Variants in PCDH15 observed in about 807,000 individuals in gnomAD.
PCDH15 encodes the protein protocadherin related 15, also known as protocadherin-15.
PCDH15 carries 129 observed loss-of-function variants against 178.5 expected under a neutral mutation model. The ratio of observed to expected loss-of-function variants is 0.72; its 90% CI spans 0.63 to 0.84. The LOEUF (loss-of-function observed/expected upper bound fraction) is 0.84. Ranked by LOEUF, PCDH15 falls within the 40% of genes least tolerant of loss-of-function variation. The pLI, the probability that PCDH15 is intolerant of heterozygous loss-of-function variation, is 0.00. For synonymous variants in PCDH15, 800 were observed against 732.0 expected, an observed-to-expected ratio of 1.09 and a Z score of -1.50; for missense variants, 2,230 against 2,099.9, an observed-to-expected ratio of 1.06 and a Z score of -1.21.
At chr10:53,810,511 T>A in intron 37 of PCDH15, 45 bp downstream of exon 37, 1 of 1,558,938 alleles carries the variant, frequency 6.4e-7, no homozygotes, top group South Asian at 1.1e-5. Context: ...TTAAACAATA[T>A]TTTTCTTGGA....
At chr10:53,836,827 T>C (rs2077334760) in intron 29 of PCDH15, among the ~76,000 whole-genome samples, 1 of 152,120 alleles carries the variant, frequency 6.6e-6, no homozygotes, top group Non-Finnish European at 1.5e-5. Context: ...ATTGGAACTG[T>C]CAGACAGGAA....
intron 2 of PCDH15, among the ~76,000 whole-genome samples, chr10:54,654,220 G>A (rs1158334339): frequency 6.6e-6 from 1 of 152,190 alleles, no homozygotes; most frequent in Non-Finnish European, 1.5e-5. Flanking sequence ...GGAAGTTAGA[G>A]AAAGCTGACA....
rs578008083 is a variant in PCDH15 at position 55,295,324 on chromosome 10, C to T, written c.-156+24275G>A. Among the ~76,000 whole-genome samples the T allele has an allele frequency of 2.6e-5, 4 of 152,304 alleles. No homozygotes were observed. The South Asian group carries it at 8.3e-4, about 32-fold the overall frequency. On this transcript the variant is annotated intron_variant, in intron 1 of 5. Coordinates refer to the PCDH15 transcript ENST00000458638. Reference sequence around the variant, plus strand: ...AGTTTCAGCATTAACCTTCACATAACACAGCAAGGATTCTTCCTTGTTATG... The same window carrying T: ...AGTTTCAGCATTAACCTTCACATAATACAGCAAGGATTCTTCCTTGTTATG...
chr10:55,557,498 G>A (rs189955749), intron 2 of PCDH15, among the ~76,000 whole-genome samples: 3 of 152,130 alleles, frequency 2.0e-5, no homozygotes, highest in Non-Finnish European at 4.4e-5. Context: ...TCAAGATCAT[G>A]CAGAAGTAGA....
chr10:55,316,567 C>T (rs941668872), intron 1 of PCDH15, among the ~76,000 whole-genome samples: 2 of 151,810 alleles, frequency 1.3e-5, no homozygotes, highest in Non-Finnish European at 2.9e-5. Flanking sequence ...ACAACTTTTC[C>T]TGAGCCCATT....
At chr10:54,701,911 A>C (rs1591148574) in intron 1 of PCDH15, among the ~76,000 whole-genome samples, 1 of 152,226 alleles carries the variant, frequency 6.6e-6, no homozygotes, top group Admixed American at 6.6e-5. Flanking sequence ...GCAGAAAATT[A>C]ACAAATATAT....
chr10:55,137,550 A>G (rs2132084562), intron 2 of PCDH15, among the ~76,000 whole-genome samples: 1 of 148,492 alleles, frequency 6.7e-6, no homozygotes, highest in South Asian at 2.1e-4. Context: ...TTTTTTTTTA[A>G]GGGTAAATCA....
intron 2 of PCDH15, among the ~76,000 whole-genome samples, chr10:55,434,083 T>TTC (rs1275492274): frequency 3.1e-5 from 4 of 128,876 alleles, no homozygotes; most frequent in African/African-American, 9.6e-5. Context: ...TTTTCTTTTT[T>TTC]TTTTTTTTTT....
intron 2 of PCDH15, among the ~76,000 whole-genome samples, chr10:54,935,311 C>T (rs1383330123): frequency 6.6e-6 from 1 of 152,128 alleles, no homozygotes; most frequent in African/African-American, 2.4e-5. Context: ...CATTCATTCA[C>T]TAAGTTCAAT....
intron 3 of PCDH15, among the ~76,000 whole-genome samples, chr10:54,382,753 T>G (rs1949393935): frequency 1.3e-5 from 2 of 152,122 alleles, no homozygotes; most frequent in African/African-American, 4.8e-5. Flanking sequence ...GACAATTCCT[T>G]GATTATACTC....
At chr10:54,516,410 A>T (rs2082223785) in intron 3 of PCDH15, among the ~76,000 whole-genome samples, 1 of 152,138 alleles carries the variant, frequency 6.6e-6, no homozygotes, top group Admixed American at 6.5e-5. Flanking sequence ...CTACGTGAAG[A>T]ATGCAGAAGC....
chr10:53,999,480 G>A (rs1423018471), intron 20 of PCDH15, among the ~76,000 whole-genome samples: 1 of 152,036 alleles, frequency 6.6e-6, no homozygotes. Flanking sequence ...AGTCATAAAA[G>A]GCTACATCTG....
chr10:54,419,728 G>A (rs1954979542), intron 3 of PCDH15, among the ~76,000 whole-genome samples: 1 of 152,010 alleles, frequency 6.6e-6, no homozygotes, highest in Admixed American at 6.6e-5. Context: ...CCTTAAAGCA[G>A]AATTTTACTA....
chr10:55,511,115 C>T (rs151054134), intron 2 of PCDH15, among the ~76,000 whole-genome samples: 1 of 151,656 alleles, frequency 6.6e-6, no homozygotes, highest in Admixed American at 6.6e-5. Flanking sequence ...TCAACCAGTC[C>T]TCCCAACTCA....
At chr10:53,954,602 C>G (rs1053428453) in intron 23 of PCDH15, among the ~76,000 whole-genome samples, 2 of 151,998 alleles carry the variant, frequency 1.3e-5, no homozygotes, top group Admixed American at 6.6e-5. Flanking sequence ...CTTCTGTGAC[C>G]AAGACACTGC....
Position 54,432,290 on chromosome 10 carries a change from A to AC in PCDH15, c.158-53349_158-53348insG, listed in dbSNP as rs935595847. Reference sequence around the variant, plus strand: ...ATCAAAAAAAGAAACAAACAAACAAAAAAAACCTGGAGAAATCACATTACC... The same window carrying AC: ...ATCAAAAAAAGAAACAAACAAACAAACAAAAACCTGGAGAAATCACATTACC... On this transcript the variant is annotated intron_variant, in intron 3 of 37. Transcript: ENST00000644397. Among the ~76,000 whole-genome samples, 214 of 151,844 alleles carry AC rather than the reference A, an allele frequency of 1.4e-3. 1 individual carries two copies. Among genetic ancestry groups the AC allele is most frequent in the African/African-American group, 4.8e-3 (197 of 41,446 alleles).
At chr10:54,393,431 AAT>A (rs1337685889) in intron 3 of PCDH15, among the ~76,000 whole-genome samples, 3 of 152,332 alleles carry the variant, frequency 2.0e-5, no homozygotes, top group South Asian at 4.1e-4. Flanking sequence ...ATAGACTCAG[AAT>A]ATGATAGTTG....
intron 2 of PCDH15, among the ~76,000 whole-genome samples, chr10:54,642,902 A>G (rs1219882109): frequency 6.6e-6 from 1 of 152,172 alleles, no homozygotes; most frequent in African/African-American, 2.4e-5. Context: ...AATGTAAAGA[A>G]GGCAAATTGG....
chr10:54,370,260 C>T (rs1375217049), intron 4 of PCDH15, among the ~76,000 whole-genome samples: 3 of 151,902 alleles, frequency 2.0e-5, no homozygotes, highest in Non-Finnish European at 2.9e-5. Flanking sequence ...AACTTTATCT[C>T]TAAATATGTC....
Sources: gnomAD v4.1 joint callset for allele counts (sites outside exome capture counted in the v4.1 genomes callset) on GRCh38, gnomAD v4.1.1 for gene constraint, MANE v1.5 for transcripts, NCBI Gene and HGNC (gene_info 2026-07-23, HGNC 2026-07-21) for gene names.